Variants in METTL24 observed in about 807,000 individuals in gnomAD.
The protein encoded by METTL24 is methyltransferase like 24.
A neutral mutation model predicts 32.7 loss-of-function variants in METTL24; 29 were observed. The ratio of observed to expected loss-of-function variants is 0.89; its 90% CI spans 0.66 to 1.21. The LOEUF is 1.21. Among genes scored for constraint, METTL24 ranks in the 50% most tolerant of loss-of-function variants. METTL24 has a pLI of 0.00. For missense variants in METTL24, 439 were observed against 468.1 expected (o/e 0.94, Z 0.57); for synonymous variants, 163 against 179.5 (o/e 0.91, Z 0.73).
At chr6:110,348,954 G>C (rs72935990) in intron 1 of METTL24, among the ~76,000 whole-genome samples, 10,551 of 152,208 alleles carry the variant, frequency 0.069, 491 homozygotes, top group Non-Finnish European at 0.099. Context: ...GATGTAAATG[G>C]GGTCTTGTTT....
intron 2 of METTL24, among the ~76,000 whole-genome samples, chr6:110,321,403 T>C (rs191531985): frequency 1.9e-3 from 291 of 152,332 alleles, no homozygotes; most frequent in African/African-American, 6.3e-3. Flanking sequence ...ACATATAGAA[T>C]GGAATTTGGT....
At position 110,273,523 on chromosome 6, in the gene METTL24, G is replaced by GA. The variant is rs1012015936; in HGVS notation, c.786+25398dup. Among the ~76,000 whole-genome samples the GA allele has an allele frequency of 2.3e-3, 333 of 143,150 alleles. 1 individual carries two copies. Among genetic ancestry groups the GA allele is most frequent in the African/African-American group, 6.2e-3 (244 of 39,064 alleles). 93.9% of individuals were successfully genotyped at this position (143,150 alleles called of 152,430 possible). A position where few individuals can be genotyped will look rare whatever the true frequency, so the allele number is the denominator to read the frequency against. ...ACAAGGAACTCAAACAAATCATCAA[G>GA]AAAAAAAAAACAAATAATCCCATCA... On this transcript the variant is annotated intron_variant, in intron 4 of 4. Transcript: ENST00000338882.
intron 4 of METTL24, among the ~76,000 whole-genome samples, chr6:110,259,736 C>A (rs1404566021): frequency 6.6e-6 from 1 of 152,154 alleles, no homozygotes; most frequent in East Asian, 1.9e-4. Flanking sequence ...AGACTGACAC[C>A]TCACACGGCT....
chr6:110,323,372 G>C (rs1458001109), intron 1 of METTL24, among the ~76,000 whole-genome samples: 1 of 152,180 alleles, frequency 6.6e-6, no homozygotes, highest in Non-Finnish European at 1.5e-5. Flanking sequence ...TGGGACCACG[G>C]CCCTTGGCTG....
intron 4 of METTL24, among the ~76,000 whole-genome samples, chr6:110,284,504 CAGAT>C (rs1323769181): frequency 5.9e-5 from 9 of 152,030 alleles, no homozygotes; most frequent in African/African-American, 1.9e-4. Context: ...AACAGACAGA[CAGAT>C]GGAGAGAAAG....
chr6:110,290,541 T>C (rs1025315072), intron 4 of METTL24, among the ~76,000 whole-genome samples: 1 of 152,246 alleles, frequency 6.6e-6, no homozygotes, highest in Non-Finnish European at 1.5e-5. Flanking sequence ...CAGTGGTATT[T>C]CATCCTATAT....
At chr6:110,342,872 G>A (rs1230773170) in intron 1 of METTL24, among the ~76,000 whole-genome samples, 1 of 152,210 alleles carries the variant, frequency 6.6e-6, no homozygotes, top group African/African-American at 2.4e-5. Context: ...GTTGTAGCAT[G>A]TATCAGTGCT....
chr6:110,348,179 C>T (rs1772518141), intron 1 of METTL24, among the ~76,000 whole-genome samples: 2 of 152,194 alleles, frequency 1.3e-5, no homozygotes, highest in Admixed American at 6.5e-5. Context: ...CCTTCCTGCT[C>T]TCGTTTCATC....
At chr6:110,274,944 G>A (rs1489915819) in intron 4 of METTL24, among the ~76,000 whole-genome samples, 3 of 150,886 alleles carry the variant, frequency 2.0e-5, no homozygotes, top group Admixed American at 6.6e-5. Flanking sequence ...GACTACAGGC[G>A]CACATCACCA....
Position 110,358,263 on chromosome 6 carries a change from C to T in METTL24, c.10G>A (p.Glu4Lys). The T allele has an allele frequency of 6.8e-7, 1 of 1,477,286 alleles. No individual in the cohort carries two copies. The highest frequency in any genetic ancestry group is 8.9e-7 in the Non-Finnish European group (1 of 1,120,972). The allele number at this position is 1,477,286 out of a possible 1,614,324, so 91.5% of individuals were successfully genotyped here. A position where few individuals can be genotyped will look rare whatever the true frequency, so the allele number is the denominator to read the frequency against. Reference protein sequence around the residue: MARERPPGRGCGVL... With the variant: MARKRPPGRGCGVL... ...CCGCAGCCCCTCCCGGGCGGCCTCT[C>T]CCGGGCCATGGCGCTACACTCGGGG... Residue 4 changes from glutamate to lysine, a missense_variant, in exon 1 of 5, where the codon GAG (glutamate) becomes AAG (lysine). By Grantham distance (56) the Glu-to-Lys change is moderately conservative (BLOSUM62 1). Transcript: ENST00000338882.
chr6:110,286,586 C>T (rs1438000129), intron 4 of METTL24, among the ~76,000 whole-genome samples: 1 of 152,190 alleles, frequency 6.6e-6, no homozygotes, highest in African/African-American at 2.4e-5. Context: ...ACACCATGTA[C>T]ATACAACCTT....
chr6:110,286,490 G>C (rs567588540), intron 4 of METTL24, among the ~76,000 whole-genome samples: 4 of 152,248 alleles, frequency 2.6e-5, no homozygotes, highest in African/African-American at 9.6e-5. Flanking sequence ...ATACTGTTTT[G>C]GTTTGTTGTC....
intron 1 of METTL24, among the ~76,000 whole-genome samples, chr6:110,337,590 C>G (rs1289152533): frequency 6.6e-6 from 1 of 152,104 alleles, no homozygotes; most frequent in Non-Finnish European, 1.5e-5. Context: ...AAAAGTATAA[C>G]CAAGGACAAG....
chr6:110,281,158 TTTTTAACTTG>T (rs1474215459), intron 4 of METTL24, among the ~76,000 whole-genome samples: 1 of 152,290 alleles, frequency 6.6e-6, no homozygotes, highest in East Asian at 1.9e-4. Context: ...GATGGGTGAC[TTTTTAACTTG>T]TTCAGATACG....
At chr6:110,260,395 C>T (rs774645535) in intron 4 of METTL24, among the ~76,000 whole-genome samples, 52 of 151,862 alleles carry the variant, frequency 3.4e-4, no homozygotes, top group Non-Finnish European at 4.4e-4. Context: ...TGAAATGAAG[C>T]GAGAAGAGAA....
rs982635424 is a variant in METTL24 at position 110,244,086 on chromosome 6, G to T, written c.*1860C>A. Among the ~76,000 whole-genome samples, 1 of 152,168 alleles carries T rather than the reference G, an allele frequency of 6.6e-6. No individual in the cohort carries two copies. Among genetic ancestry groups the T allele is most frequent in the African/African-American group, 2.4e-5 (1 of 41,442 alleles). ...TAATGTAGAAAGGATCGGTGCTATT[G>T]AAAAACTGTCTAACTATCCTACGAA... On this transcript the variant is annotated 3_prime_UTR_variant, in exon 5 of 5. Coordinates refer to ENST00000338882, the MANE Select transcript of METTL24 (RefSeq NM_001123364.3).
chr6:110,270,798 A>C (rs1275461368), intron 4 of METTL24, among the ~76,000 whole-genome samples: 2 of 151,638 alleles, frequency 1.3e-5, no homozygotes, highest in African/African-American at 2.4e-5. Context: ...GTCTTGTCTT[A>C]CATTACATGA....
At chr6:110,323,821 A>G (rs555084234) in intron 1 of METTL24, among the ~76,000 whole-genome samples, 1 of 152,250 alleles carries the variant, frequency 6.6e-6, no homozygotes, top group Admixed American at 6.5e-5. Flanking sequence ...TTTGGGCGTC[A>G]TAGCATAGGT....
Position 110,298,955 on chromosome 6 carries a change from C to T in METTL24, c.753G>A (p.Leu251=), listed in dbSNP as rs1259970869. ...GTCCAAATTCATTCAAAATGCTTCC[C>T]AGTTTTCTGGTGTTGCTATGTGGTT... ...AQKPHSNTRK[L]GSILNEFGHH... The change falls in exon 4 of 5, where the codon CTG becomes CTA. Residue 251 remains leucine (L), a synonymous_variant. Transcript: ENST00000338882. The T allele has an allele frequency of 2.6e-5, 42 of 1,613,950 alleles. No homozygotes were observed. The Middle Eastern group carries it at 4.9e-4, about 19-fold the overall frequency.
Sources: allele counts gnomAD v4.1 joint callset (sites outside exome capture counted in the v4.1 genomes callset), GRCh38; gene constraint gnomAD v4.1.1; transcripts MANE v1.5; gene names NCBI Gene and HGNC (gene_info 2026-07-23, HGNC 2026-07-21).